Variants in HTN3 observed in about 807,000 individuals in gnomAD.
The protein encoded by HTN3 is histatin 3, also known as histatin-3.
In HTN3, 15 loss-of-function variants were observed where a neutral mutation model predicts 10.6. The ratio of observed to expected loss-of-function variants is 1.42; its 90% confidence interval spans 0.95 to 2.18. The LOEUF (loss-of-function observed/expected upper bound fraction) is 2.18. HTN3 is among the 30% of genes most tolerant of loss of function. The probability of loss-of-function intolerance (pLI) is 0.00; values close to 1 mark genes in which losing one functional copy is unlikely to be tolerated. For synonymous variants in HTN3, 15 were observed against 16.9 expected (o/e 0.89, Z 0.27); for missense variants, 68 against 58.0 (o/e 1.17, Z -0.56).
chr4:70,033,043 A>G (rs1339853263), intron 4 of HTN3, 124 bp from the exon 5 acceptor site: 2 of 667,202 alleles, frequency 3.0e-6, no homozygotes, highest in Non-Finnish European at 2.6e-6. Flanking sequence ...ACATTTATGT[A>G]GATAACACAC....
Position 70,036,405 on chromosome 4 carries a change from G to A in HTN3, c.*172G>A, listed in dbSNP as rs576215864. Reference sequence around the variant, plus strand: ...ATGATTTAGTGAATTCTGTGTTTCAGGATACTTCCCTTCCTAATTATCATT... The same window carrying A: ...ATGATTTAGTGAATTCTGTGTTTCAAGATACTTCCCTTCCTAATTATCATT... On this transcript the variant is annotated 3_prime_UTR_variant, in exon 6 of 6. Transcript: ENST00000673563. 1 of 152,134 alleles carries A rather than the reference G, an allele frequency of 6.6e-6. No homozygotes were observed. Among genetic ancestry groups the A allele is most frequent in the Non-Finnish European group, 1.5e-5 (1 of 68,032 alleles). The allele number at this position is 152,134 out of a possible 1,614,324, so 9.4% of individuals were successfully genotyped here.
intron 1 of HTN3, among the ~76,000 whole-genome samples, chr4:70,029,786 T>A (rs1045135149): frequency 3.3e-5 from 5 of 152,262 alleles, no homozygotes; most frequent in African/African-American, 1.2e-4. Flanking sequence ...CTTTGAATAA[T>A]ATTATTTGAA....
At chr4:70,030,660 C>T in intron 1 of HTN3, 68 bp from the exon 2 acceptor site, 3 of 1,028,630 alleles carry the variant, frequency 2.9e-6, no homozygotes, top group Non-Finnish European at 4.6e-6. Context: ...ATAGTGTCAT[C>T]AGTAGAAGTT....
chr4:70,033,079 A>C, intron 4 of HTN3, 88 bp from the exon 5 acceptor site: 1 of 886,990 alleles, frequency 1.1e-6, no homozygotes, highest in South Asian at 1.5e-5. Flanking sequence ...TTAACAATCT[A>C]AGCTTTCAGT....
intron 2 of HTN3, 46 bp downstream of exon 2, chr4:70,030,837 C>A (rs1414706104): frequency 7.2e-7 from 1 of 1,393,234 alleles, no homozygotes; most frequent in Non-Finnish European, 1.0e-6. Flanking sequence ...CAGTACTTAT[C>A]CCAAGGATCT....
chr4:70,033,526 G>A, intron 5 of HTN3: 1 of 219,300 alleles, frequency 4.6e-6, no homozygotes. Context: ...TTGTAGGGTA[G>A]TTTGAAGTCA....
chr4:70,029,296 T>C (rs1725318134), intron 1 of HTN3, among the ~76,000 whole-genome samples: 1 of 152,048 alleles, frequency 6.6e-6, no homozygotes, highest in Non-Finnish European at 1.5e-5. Flanking sequence ...AAAAGAGTCA[T>C]AATTTGATTT....
chr4:70,029,319 A>G (rs1201219980), intron 1 of HTN3, among the ~76,000 whole-genome samples: 1 of 151,956 alleles, frequency 6.6e-6, no homozygotes, highest in African/African-American at 2.4e-5. Flanking sequence ...CTATTAGGTA[A>G]TAGAAAAACT....
At chr4:70,033,137 A>G in intron 4 of HTN3, 30 bp from the exon 5 acceptor site, 1 of 1,562,546 alleles carries the variant, frequency 6.4e-7, no homozygotes, top group Non-Finnish European at 8.8e-7. Context: ...TATTCTCTGC[A>G]ATTTGCTCTC....
At chr4:70,035,918 G>T (rs1231810969) in intron 5 of HTN3, among the ~76,000 whole-genome samples, 1 of 152,070 alleles carries the variant, frequency 6.6e-6, no homozygotes, top group Non-Finnish European at 1.5e-5. Context: ...GATAATTGCT[G>T]ATGACATTTA....
At chr4:70,031,463 C>G (rs1297975098) in intron 2 of HTN3, 2 of 153,758 alleles carry the variant, frequency 1.3e-5, no homozygotes, top group Non-Finnish European at 2.9e-5. Flanking sequence ...ATACTTCAAC[C>G]TATCCACTAA....
chr4:70,030,260 T>G (rs141404275), intron 1 of HTN3, among the ~76,000 whole-genome samples: 6 of 152,160 alleles, frequency 3.9e-5, no homozygotes, highest in Non-Finnish European at 7.3e-5. Context: ...ATTATCTTGG[T>G]CTATTTAAGA....
intron 1 of HTN3, among the ~76,000 whole-genome samples, chr4:70,029,132 T>C (rs1159509238): frequency 6.6e-6 from 1 of 152,072 alleles, no homozygotes; most frequent in East Asian, 1.9e-4. Context: ...AAATATGTTT[T>C]TCAAAACTAT....
chr4:70,030,320 C>T (rs932893199), intron 1 of HTN3, among the ~76,000 whole-genome samples: 1 of 152,106 alleles, frequency 6.6e-6, no homozygotes, highest in African/African-American at 2.4e-5. Flanking sequence ...AATTAGAGCA[C>T]TCACCTTTAT....
Position 70,030,760 on chromosome 4 carries a change from C to T in HTN3, c.20C>T (p.Ala7Val). Residue 7 changes from alanine (A) to valine (V), a missense_variant, in exon 2 of 6, where the codon GCT becomes GTT. Transcript: ENST00000673563. MKFFVF[A>V]LILALMLSMT... Reference sequence around the variant, plus strand: ...CCAACTATGAAGTTTTTTGTTTTTGCTTTAATCTTGGCTCTCATGCTTTCC... The same window carrying T: ...CCAACTATGAAGTTTTTTGTTTTTGTTTTAATCTTGGCTCTCATGCTTTCC... The T allele has an allele frequency of 6.2e-7, 1 of 1,612,382 alleles. No homozygotes were observed. Among genetic ancestry groups the T allele is most frequent in the Non-Finnish European group, 8.5e-7 (1 of 1,178,726 alleles).
chr4:70,032,207 T>G, intron 4 of HTN3, 100 bp downstream of exon 4: 1 of 817,760 alleles, frequency 1.2e-6, no homozygotes, highest in Admixed American at 2.7e-5. Context: ...TATATTTATA[T>G]CATTAATTGC....
At chr4:70,035,155 T>G (rs2109711215) in intron 5 of HTN3, among the ~76,000 whole-genome samples, 1 of 152,254 alleles carries the variant, frequency 6.6e-6, no homozygotes, top group East Asian at 1.9e-4. Flanking sequence ...TCCCTGAACT[T>G]AAATTAAAAT....
At chr4:70,029,537 T>G (rs1185250754) in intron 1 of HTN3, among the ~76,000 whole-genome samples, 1 of 150,718 alleles carries the variant, frequency 6.6e-6, no homozygotes, top group Non-Finnish European at 1.5e-5. Context: ...GTAAGAGAGA[T>G]TAGAAAAATT....
At chr4:70,035,662 T>C (rs1161653732) in intron 5 of HTN3, among the ~76,000 whole-genome samples, 2 of 152,222 alleles carry the variant, frequency 1.3e-5, no homozygotes, top group African/African-American at 4.8e-5. Context: ...CAATGTCCTT[T>C]TTAGAAAGTC....
Sources: allele counts gnomAD v4.1 joint callset (sites outside exome capture counted in the v4.1 genomes callset), GRCh38; gene constraint gnomAD v4.1.1; transcripts MANE v1.5; gene names NCBI Gene and HGNC (gene_info 2026-07-23, HGNC 2026-07-21).